Variants in MBD5 observed in about 807,000 individuals in gnomAD.
MBD5 encodes the protein methyl-CpG binding domain protein 5.
A neutral mutation model predicts 117.3 loss-of-function variants in MBD5; 13 were observed. The observed-to-expected ratio is 0.11, with a 90% CI of 0.07 to 0.18. MBD5 has a LOEUF of 0.18. MBD5 is among the 10% of genes least tolerant of loss of function. The probability of loss-of-function intolerance (pLI) is 1.00; values close to 1 mark genes in which losing one functional copy is unlikely to be tolerated. For missense variants in MBD5, 1,879 were observed against 2,093.8 expected, an observed-to-expected ratio of 0.90 and a Z score of 2.00; for synonymous variants, 727 against 766.4, an observed-to-expected ratio of 0.95 and a Z score of 0.85.
chr2:148,161,904 G>A (rs1186837062), intron 1 of MBD5, among the ~76,000 whole-genome samples: 2 of 152,248 alleles, frequency 1.3e-5, no homozygotes, highest in Non-Finnish European at 2.9e-5. Context: ...CCAACATTTA[G>A]GGCTAAATTT....
intron 4 of MBD5, among the ~76,000 whole-genome samples, chr2:148,436,118 T>A (rs555152553): frequency 6.6e-6 from 1 of 152,314 alleles, no homozygotes; most frequent in South Asian, 2.1e-4. Context: ...TAGGGTGTCA[T>A]GGATTTATGA....
intron 2 of MBD5, among the ~76,000 whole-genome samples, chr2:148,207,021 G>A (rs562557922): frequency 5.1e-4 from 78 of 152,282 alleles, no homozygotes; most frequent in Admixed American, 5.1e-3. Context: ...TTCCAAAGTA[G>A]CATTGGGGAA....
intron 1 of MBD5, among the ~76,000 whole-genome samples, chr2:148,109,105 A>G (rs756739223): frequency 6.6e-6 from 1 of 152,168 alleles, no homozygotes; most frequent in African/African-American, 2.4e-5. Context: ...CAGTTTGGCA[A>G]TGTATGTCCA....
intron 5 of MBD5, among the ~76,000 whole-genome samples, chr2:148,459,936 T>C (rs1707014943): frequency 6.6e-6 from 1 of 152,064 alleles, no homozygotes; most frequent in African/African-American, 2.4e-5. Flanking sequence ...TCCATATTTA[T>C]TGGGGTGAAG....
chr2:148,506,317 A>G (rs1223087129), intron 12 of MBD5, among the ~76,000 whole-genome samples: 1 of 152,248 alleles, frequency 6.6e-6, no homozygotes, highest in Non-Finnish European at 1.5e-5. Flanking sequence ...AGCGAGGAGC[A>G]AATCTTCTGT....
intron 4 of MBD5, among the ~76,000 whole-genome samples, chr2:148,387,987 C>T (rs1310474264): frequency 6.6e-6 from 1 of 152,056 alleles, no homozygotes; most frequent in African/African-American, 2.4e-5. Context: ...GGAATCTAAA[C>T]TTCATATGAA....
At chr2:148,254,422 C>T (rs1700535590) in intron 3 of MBD5, among the ~76,000 whole-genome samples, 1 of 152,138 alleles carries the variant, frequency 6.6e-6, no homozygotes, top group Non-Finnish European at 1.5e-5. Flanking sequence ...GAGTGGTGTG[C>T]TGTGCAAGAA....
intron 1 of MBD5, among the ~76,000 whole-genome samples, chr2:148,094,896 G>C (rs1003704661): frequency 1.3e-5 from 2 of 152,108 alleles, no homozygotes; most frequent in Non-Finnish European, 2.9e-5. Context: ...GATTCTGCAG[G>C]TACTTTGCTG....
rs193003730 is a variant in MBD5, at chr2:148,083,773, G to A, written c.-925+62089G>A. On this transcript the variant is annotated intron_variant, in intron 1 of 13. Coordinates refer to ENST00000642680, the MANE Select transcript of MBD5 (RefSeq NM_001378120.1). ...CTCCTGAGTAGCTGGGACTACAGGC[G>A]CACGCCACCACGCCCGACTGATTTT... is the stretch of plus-strand genomic sequence containing the variant. 8.1e-4 allele frequency among the ~76,000 whole-genome samples: 123 copies of A among 151,958 alleles called. No homozygotes were observed. In the East Asian group the frequency reaches 8.4e-3, roughly 10 times the overall value.
intron 2 of MBD5, among the ~76,000 whole-genome samples, chr2:148,187,314 C>T (rs547287578): frequency 6.8e-6 from 1 of 146,194 alleles, no homozygotes; most frequent in Admixed American, 6.8e-5. Flanking sequence ...ATACCCCCCC[C>T]AAAAAAAAAA....
intron 4 of MBD5, among the ~76,000 whole-genome samples, chr2:148,436,945 A>C (rs1706172348): frequency 6.6e-6 from 1 of 151,816 alleles, no homozygotes; most frequent in East Asian, 1.9e-4. Flanking sequence ...ACTAATTTTT[A>C]TGTTGGTATT....
chr2:148,237,454 G>A (rs574187388), intron 3 of MBD5, among the ~76,000 whole-genome samples: 75 of 152,156 alleles, frequency 4.9e-4, no homozygotes, highest in African/African-American at 1.7e-3. Flanking sequence ...TTGTATTTTC[G>A]GGGATTGGGA....
intron 11 of MBD5, among the ~76,000 whole-genome samples, chr2:148,491,168 A>T (rs1301884921): frequency 6.6e-6 from 1 of 152,194 alleles, no homozygotes; most frequent in Non-Finnish European, 1.5e-5. Context: ...CTGGGCCTTT[A>T]AAACATATGG....
intron 2 of MBD5, among the ~76,000 whole-genome samples, chr2:148,185,896 T>C (rs1480768851): frequency 6.6e-6 from 1 of 152,146 alleles, no homozygotes; most frequent in Non-Finnish European, 1.5e-5. Flanking sequence ...TTTTAAAATG[T>C]CTTGTAATTA....
At chr2:148,284,872 A>G (rs1365059872) in intron 3 of MBD5, among the ~76,000 whole-genome samples, 1 of 152,228 alleles carries the variant, frequency 6.6e-6, no homozygotes, top group Non-Finnish European at 1.5e-5. Context: ...ATTTGGATAG[A>G]TACTGGCTAG....
At chr2:148,389,186 GGTGTGTGTGTGTGTGTGTGTGT>G (rs70995313) in intron 4 of MBD5, among the ~76,000 whole-genome samples, 59 of 89,582 alleles carry the variant, frequency 6.6e-4, no homozygotes, top group African/African-American at 2.4e-3. Context: ...AGTATTCCGT[GGTGTGTGTGTGTGTGTGTGTGT>G]GTGTGTGTGT....
chr2:148,109,858 A>G (rs1696466878), intron 1 of MBD5, among the ~76,000 whole-genome samples: 1 of 152,152 alleles, frequency 6.6e-6, no homozygotes, highest in Non-Finnish European at 1.5e-5. Context: ...AAATTCCTCA[A>G]TAAGTTATAT....
At chr2:148,252,835 C>G (rs1700497937) in intron 3 of MBD5, among the ~76,000 whole-genome samples, 1 of 152,202 alleles carries the variant, frequency 6.6e-6, no homozygotes, top group African/African-American at 2.4e-5. Context: ...CAACAATGAG[C>G]CACTGCACCC....
At chr2:148,248,815 G>A (rs1700402155) in intron 3 of MBD5, among the ~76,000 whole-genome samples, 1 of 151,982 alleles carries the variant, frequency 6.6e-6, no homozygotes, top group Admixed American at 6.6e-5. Flanking sequence ...AAAATAGATT[G>A]CTTAGAAACA....
Sources: gnomAD v4.1 joint callset for allele counts (sites outside exome capture counted in the v4.1 genomes callset) on GRCh38, gnomAD v4.1.1 for gene constraint, MANE v1.5 for transcripts, NCBI Gene and HGNC (gene_info 2026-07-23, HGNC 2026-07-21) for gene names.